The following RERE variants were observed in gnomAD, a reference collection of about 807,000 sequenced individuals.
The protein encoded by RERE is arginine-glutamic acid dipeptide repeats, also known as arginine-glutamic acid dipeptide repeats protein.
In RERE, 40 loss-of-function variants were observed where a neutral mutation model predicts 146.1. The observed-to-expected ratio is 0.27, with a 90% confidence interval of 0.21 to 0.36. The LOEUF (loss-of-function observed/expected upper bound fraction) is 0.36, where lower values mean the gene tolerates loss of function less well. RERE is among the 10% of genes least tolerant of loss of function. The probability of loss-of-function intolerance (pLI) is 1.00; values close to 1 mark genes in which losing one functional copy is unlikely to be tolerated. For missense variants in RERE, 1,933 were observed against 2,138.7 expected, an observed-to-expected ratio of 0.90 and a Z score of 1.90; for synonymous variants, 1,003 against 866.0, an observed-to-expected ratio of 1.16 and a Z score of -2.78.
chr1:8,757,488 T>C (rs1292447345), intron 1 of RERE, among the ~76,000 whole-genome samples: 1 of 152,148 alleles, frequency 6.6e-6, no homozygotes, highest in East Asian at 1.9e-4. Flanking sequence ...GACCTAGAAT[T>C]TACATAATTT....
intron 12 of RERE, among the ~76,000 whole-genome samples, chr1:8,372,508 G>A (rs186194622): frequency 2.7e-4 from 4 of 14,782 alleles, no homozygotes; most frequent in African/African-American, 9.4e-4. Context: ...CCATCAGGTC[G>A]TGTGTGTGTG....
chr1:8,375,351 A>C (rs1258771132), intron 12 of RERE, among the ~76,000 whole-genome samples: 2 of 152,264 alleles, frequency 1.3e-5, no homozygotes, highest in African/African-American at 2.4e-5. Flanking sequence ...ATCTCCAAAA[A>C]AGTAAACAGA....
At chr1:8,381,900 T>C (rs113613236) in intron 12 of RERE, among the ~76,000 whole-genome samples, 1,964 of 152,326 alleles carry the variant, frequency 0.013, 42 homozygotes, top group African/African-American at 0.045. Flanking sequence ...TTAACCTGAA[T>C]TAACCAAGCT....
intron 9 of RERE, among the ~76,000 whole-genome samples, chr1:8,495,592 G>A (rs1471021807): frequency 2.0e-5 from 3 of 152,196 alleles, no homozygotes; most frequent in Non-Finnish European, 2.9e-5. Flanking sequence ...GATTACAGGC[G>A]TGAGCCATCA....
intron 12 of RERE, among the ~76,000 whole-genome samples, chr1:8,375,854 C>T (rs947058630): frequency 2.0e-5 from 3 of 151,388 alleles, no homozygotes; most frequent in Non-Finnish European, 4.4e-5. Flanking sequence ...TACAAACAAG[C>T]AAACAACATT....
intron 1 of RERE, among the ~76,000 whole-genome samples, chr1:8,686,002 A>T (rs989708370): frequency 1.3e-5 from 2 of 150,992 alleles, no homozygotes; most frequent in African/African-American, 4.9e-5. Context: ...TTTTTTGGAA[A>T]CAAGGTCTCA....
intron 1 of RERE, among the ~76,000 whole-genome samples, chr1:8,727,291 C>T (rs578053708): frequency 1.3e-3 from 195 of 151,764 alleles, no homozygotes; most frequent in Middle Eastern, 3.4e-3. Flanking sequence ...TACAGGCATG[C>T]GCCACCATGC....
At chr1:8,785,102 T>C (rs1641236294) in intron 1 of RERE, among the ~76,000 whole-genome samples, 1 of 152,206 alleles carries the variant, frequency 6.6e-6, no homozygotes, top group South Asian at 2.1e-4. Flanking sequence ...CATCTATCCT[T>C]ACTATGGAAT....
chr1:8,751,073 T>A (rs752378113), intron 1 of RERE: 5 of 531,362 alleles, frequency 9.4e-6, no homozygotes, highest in Non-Finnish European at 1.0e-5. Flanking sequence ...ATCTTCTCCA[T>A]GAGGCGGAAT....
chr1:8,674,867 C>A (rs1638799422), intron 1 of RERE, among the ~76,000 whole-genome samples: 1 of 152,168 alleles, frequency 6.6e-6, no homozygotes, highest in African/African-American at 2.4e-5. Context: ...CTCTAGTGAC[C>A]CTTCAGCTCA....
intron 7 of RERE, among the ~76,000 whole-genome samples, chr1:8,514,039 T>A (rs985291586): frequency 3.9e-5 from 6 of 152,240 alleles, no homozygotes; most frequent in African/African-American, 4.8e-5. Context: ...CAGCATTTTT[T>A]AAAAATCATA....
intron 2 of RERE, among the ~76,000 whole-genome samples, chr1:8,646,890 G>T (rs992186466): frequency 1.3e-5 from 2 of 152,210 alleles, no homozygotes; most frequent in Non-Finnish European, 2.9e-5. Context: ...GGAGGCCAAG[G>T]TGGGCGGATA....
chr1:8,463,342 C>T (rs937009197), intron 11 of RERE, among the ~76,000 whole-genome samples: 184 of 152,262 alleles, frequency 1.2e-3, no homozygotes, highest in Admixed American at 2.3e-3. Flanking sequence ...AAAAATGACC[C>T]CAAACGGATA....
chr1:8,764,613 A>G (rs1362593943), intron 1 of RERE, among the ~76,000 whole-genome samples: 1 of 152,206 alleles, frequency 6.6e-6, no homozygotes, highest in Non-Finnish European at 1.5e-5. Flanking sequence ...TTACCTGTAA[A>G]CTGAAGCAAG....
chr1:8,548,723 G>T (rs1249644300), intron 6 of RERE, among the ~76,000 whole-genome samples: 1 of 152,300 alleles, frequency 6.6e-6, no homozygotes, highest in East Asian at 1.9e-4. Flanking sequence ...AGTGGCTCAC[G>T]CCTGTAATCC....
intron 12 of RERE, among the ~76,000 whole-genome samples, chr1:8,390,134 T>C (rs888979683): frequency 1.3e-5 from 2 of 152,192 alleles, no homozygotes; most frequent in African/African-American, 4.8e-5. Context: ...ACAGTCATCC[T>C]GTGACCTGAA....
Position 8,715,619 on chromosome 1 carries a change from G to A in RERE, c.-144-59178C>T, listed in dbSNP as rs553474039. 4.0e-5 allele frequency among the ~76,000 whole-genome samples: 6 copies of A among 151,208 alleles called. No homozygotes were observed. The South Asian group carries it at 1.0e-3, about 26-fold the overall frequency. On this transcript the variant is annotated intron_variant, in intron 1 of 22. Transcript: ENST00000400908. Reference sequence around the variant, plus strand: ...AGAAAGTAGAAGATATATAAAAGGTGACGGGCTGGCAAGGAGGCTCACATC... The same window carrying A: ...AGAAAGTAGAAGATATATAAAAGGTAACGGGCTGGCAAGGAGGCTCACATC...
At chr1:8,519,319 C>G (rs1645461176) in intron 7 of RERE, among the ~76,000 whole-genome samples, 1 of 152,152 alleles carries the variant, frequency 6.6e-6, no homozygotes, top group Admixed American at 6.5e-5. Flanking sequence ...GCAGTCCCAG[C>G]TAGTTGGGAG....
chr1:8,442,484 A>G (rs763825211), intron 11 of RERE, among the ~76,000 whole-genome samples: 3 of 151,764 alleles, frequency 2.0e-5, no homozygotes, highest in Non-Finnish European at 2.9e-5. Flanking sequence ...GTTTTCTACC[A>G]TAAGTAAAAG....
Sources: gnomAD v4.1 joint callset for allele counts (sites outside exome capture counted in the v4.1 genomes callset) on GRCh38, gnomAD v4.1.1 for gene constraint, MANE v1.5 for transcripts, NCBI Gene and HGNC (gene_info 2026-07-23, HGNC 2026-07-21) for gene names.